The following PLEKHD1 variants were observed in gnomAD, a reference collection of about 807,000 sequenced individuals.
The protein encoded by PLEKHD1 is pleckstrin homology and coiled-coil domain containing D1.
Under a neutral mutation model 69.2 loss-of-function variants are expected in PLEKHD1, and 51 were observed. The observed-to-expected ratio is 0.74, with a 90% CI of 0.59 to 0.93. The LOEUF (loss-of-function observed/expected upper bound fraction) is 0.93, where lower values mean the gene tolerates loss of function less well. PLEKHD1 is among the 40% of genes least tolerant of loss of function. The probability of loss-of-function intolerance (pLI) is 0.00; values close to 1 mark genes in which losing one functional copy is unlikely to be tolerated. For synonymous variants in PLEKHD1, 236 were observed against 244.7 expected, an observed-to-expected ratio of 0.96 and a Z score of 0.33; for missense variants, 584 against 641.0, an observed-to-expected ratio of 0.91 and a Z score of 0.96.
intron 1 of PLEKHD1, among the ~76,000 whole-genome samples, chr14:69,499,352 G>C (rs959623674): frequency 1.3e-5 from 2 of 152,162 alleles, no homozygotes; most frequent in South Asian, 2.1e-4. Flanking sequence ...CTGGAGGAAG[G>C]AGCCAGCCAC....
chr14:69,530,386 T>G lies in PLEKHD1; in HGVS notation c.*1967T>G, dbSNP rs1355529181. The G allele has an allele frequency of 2.0e-5, 3 of 152,248 alleles. No homozygotes were observed. The highest frequency in any genetic ancestry group is 4.4e-5 in the Non-Finnish European group (3 of 68,046). 9.4% of individuals were successfully genotyped at this position (152,248 alleles called of 1,614,324 possible). Reference sequence around the variant, plus strand: ...AGGGCTGAGCCTAAATGTAAAACTTTAAACGTGTATAACATGCATAAACCT... The same window carrying G: ...AGGGCTGAGCCTAAATGTAAAACTTGAAACGTGTATAACATGCATAAACCT... On this transcript the variant is annotated 3_prime_UTR_variant, in exon 13 of 13. Transcript: ENST00000322564.
the PLEKHD1 span, among the ~76,000 whole-genome samples, chr14:69,470,012 G>A: frequency 3.8e-4 from 58 of 151,362 alleles, 1 homozygote; most frequent in South Asian, 0.012. Context: ...GTGAGCCACC[G>A]TGCCCTGCCA....
the PLEKHD1 span, among the ~76,000 whole-genome samples, chr14:69,474,982 A>AT: frequency 6.6e-6 from 1 of 152,074 alleles, no homozygotes; most frequent in East Asian, 1.9e-4. Flanking sequence ...CAGCCTCCCA[A>AT]CGCTCTGGGA....
chr14:69,500,201 A>G lies in PLEKHD1; in HGVS notation c.236A>G (p.His79Arg), dbSNP rs1352030474. 1.3e-6 allele frequency: 2 copies of G among 1,544,922 alleles called. No individual in the cohort carries two copies. The highest frequency in any genetic ancestry group is 1.8e-6 in the Non-Finnish European group (2 of 1,141,140). ...SFETNKYFNIHPKGVIPLGGC... is the reference protein window; with the variant it reads ...SFETNKYFNIRPKGVIPLGGC... The stretch of plus-strand genomic sequence containing the variant: ...GAAACCAATAAATACTTCAATATAC[A>G]TCCTAAGGTGAGGCGGCCCCTCCCA... Residue 79 changes from histidine to arginine, a missense_variant, in exon 2 of 13, where the codon CAT becomes CGT. Transcript: ENST00000322564.
chr14:69,491,944 A>ATAAATT (rs139321662), intron 1 of PLEKHD1, among the ~76,000 whole-genome samples: 6,352 of 152,186 alleles, frequency 0.042, 198 homozygotes, highest in African/African-American at 0.096. Flanking sequence ...GTACCTCCCA[A>ATAAATT]TAAATTTAAT....
At chr14:69,527,421 G>A in intron 11 of PLEKHD1, 89 bp downstream of exon 11, 1 of 1,512,054 alleles carries the variant, frequency 6.6e-7, no homozygotes, top group Non-Finnish European at 9.0e-7. Flanking sequence ...AACCCACACA[G>A]GGTCTGCTAG....
chr14:69,495,849 T>C (rs149615169), intron 1 of PLEKHD1, among the ~76,000 whole-genome samples: 1 of 152,346 alleles, frequency 6.6e-6, no homozygotes, highest in African/African-American at 2.4e-5. Context: ...TAACCTGCTT[T>C]ATTTTCCTCC....
chr14:69,493,259 T>G (rs1333529618), intron 1 of PLEKHD1, among the ~76,000 whole-genome samples: 4 of 152,202 alleles, frequency 2.6e-5, no homozygotes, highest in Non-Finnish European at 2.9e-5. Flanking sequence ...ATAGCAGAGA[T>G]AAGCTCTAGG....
chr14:69,523,928 G>T (rs1883578846), intron 7 of PLEKHD1, among the ~76,000 whole-genome samples: 1 of 152,290 alleles, frequency 6.6e-6, no homozygotes, highest in Middle Eastern at 3.4e-3. Context: ...ACAGGGTGAG[G>T]CTGGGGCCCC....
In PLEKHD1 at chr14:69,531,125, A is replaced by G. The variant is rs79542068; in HGVS notation, c.*2706A>G. On this transcript the variant is annotated 3_prime_UTR_variant, in exon 13 of 13. Coordinates refer to ENST00000322564, the MANE Select transcript of PLEKHD1 (RefSeq NM_001161498.2). ...CAACATGAGTGAAACTCTGTCTCAGAAAAAAAAAAAAGGTCCCACCTCTTA... is the reference window on the plus strand; with the variant it reads ...CAACATGAGTGAAACTCTGTCTCAGGAAAAAAAAAAAGGTCCCACCTCTTA... The G allele has an allele frequency of 7.0e-6, 1 of 142,422 alleles. No individual in the cohort carries two copies. The highest frequency in any genetic ancestry group is 2.7e-5 in the African/African-American group (1 of 36,382). The allele number at this position is 142,422 out of a possible 1,614,324, so 8.8% of individuals were successfully genotyped here.
intron 1 of PLEKHD1, among the ~76,000 whole-genome samples, chr14:69,487,299 G>A (rs1367770569): frequency 6.6e-6 from 1 of 152,030 alleles, no homozygotes; most frequent in Non-Finnish European, 1.5e-5. Context: ...GCTCAGCTCA[G>A]CCCCCTCTCA....
At position 69,500,104 on chromosome 14, in the gene PLEKHD1, G is replaced by A. The variant is rs533791939; in HGVS notation, c.150-11G>A. ...TCCTGGTTGCTTTTCCTTCCCCACC[G>A]CCCACTATAGGTTTTTCATCATCAA... On this transcript the variant is annotated splice_polypyrimidine_tract_variant and intron_variant, in intron 1 of 12. Transcript: ENST00000322564. The A allele has an allele frequency of 3.6e-5, 56 of 1,535,782 alleles. No individual in the cohort carries two copies. Among genetic ancestry groups the A allele is most frequent in the South Asian group, 1.1e-4 (9 of 83,660 alleles).
Position 69,505,939 on chromosome 14 carries a change from C to T in PLEKHD1, c.555+3060C>T, listed in dbSNP as rs559073739. On this transcript the variant is annotated intron_variant, in intron 6 of 12. Transcript: ENST00000322564. The stretch of plus-strand genomic sequence containing the variant: ...AGGAGGGCAGCCTGCCTACCTTTCC[C>T]CTTCTGACTGAGTTGTGAGAGCTCA... 4.6e-5 allele frequency among the ~76,000 whole-genome samples: 7 copies of T among 152,338 alleles called. No homozygotes were observed. The South Asian group carries it at 1.4e-3, about 32-fold the overall frequency.
At chr14:69,497,284 G>A (rs910943793) in intron 1 of PLEKHD1, among the ~76,000 whole-genome samples, 10 of 152,254 alleles carry the variant, frequency 6.6e-5, no homozygotes, top group Non-Finnish European at 7.3e-5. Context: ...GCCGGAAAAT[G>A]TCAGGTCTCT....
the PLEKHD1 span, among the ~76,000 whole-genome samples, chr14:69,469,584 A>AT: frequency 6.6e-6 from 1 of 151,828 alleles, no homozygotes; most frequent in South Asian, 2.1e-4. Context: ...TAATTTTTTA[A>AT]TTTTTTTGTG....
the PLEKHD1 span, among the ~76,000 whole-genome samples, chr14:69,479,280 T>G: frequency 6.6e-6 from 1 of 152,140 alleles, no homozygotes; most frequent in African/African-American, 2.4e-5. Flanking sequence ...GAATTCAATA[T>G]AATATTTGGG....
At chr14:69,500,449 C>G (rs562314101) in intron 2 of PLEKHD1, 128 bp from the exon 3 acceptor site, 3 of 773,014 alleles carry the variant, frequency 3.9e-6, no homozygotes, top group Non-Finnish European at 6.1e-6. Context: ...GCCTCTGTCC[C>G]ATGGCCCCAG....
intron 6 of PLEKHD1, among the ~76,000 whole-genome samples, chr14:69,521,794 A>T (rs1272924520): frequency 6.6e-6 from 1 of 152,202 alleles, no homozygotes; most frequent in Non-Finnish European, 1.5e-5. Context: ...TGCTTCCCAG[A>T]TACCTCAAGA....
intron 1 of PLEKHD1, 25 bp downstream of exon 1, chr14:69,485,139 G>A (rs1008788618): frequency 1.3e-6 from 2 of 1,543,122 alleles, no homozygotes; most frequent in Admixed American, 2.0e-5. Context: ...GCGCCCCAAG[G>A]AGACCGCCGG....
Sources: gnomAD v4.1 joint callset for allele counts (sites outside exome capture counted in the v4.1 genomes callset) on GRCh38, gnomAD v4.1.1 for gene constraint, MANE v1.5 for transcripts, NCBI Gene and HGNC (gene_info 2026-07-23, HGNC 2026-07-21) for gene names.